Variants in BMP8B observed in about 807,000 individuals in gnomAD.
BMP8B encodes the protein bone morphogenetic protein 8b.
In BMP8B, 17 loss-of-function variants were observed where a neutral mutation model predicts 30.3. The ratio of observed to expected loss-of-function variants is 0.56; its 90% confidence interval spans 0.38 to 0.84. BMP8B has a LOEUF of 0.84. BMP8B is among the 40% of genes least tolerant of loss of function. The pLI is 0.00. For missense variants in BMP8B, 253 were observed against 494.6 expected (o/e 0.51, Z 4.63); for synonymous variants, 131 against 214.7 (o/e 0.61, Z 3.41).
intron 1 of BMP8B, among the ~76,000 whole-genome samples, chr1:39,787,867 G>T (rs1267448346): frequency 6.6e-6 from 1 of 152,186 alleles, no homozygotes; most frequent in Admixed American, 6.5e-5. Flanking sequence ...AGCCCAGGTG[G>T]GCAAAGACAT....
At chr1:39,776,377 A>G (rs1650233712) in intron 1 of BMP8B, among the ~76,000 whole-genome samples, 1 of 152,226 alleles carries the variant, frequency 6.6e-6, no homozygotes, top group Non-Finnish European at 1.5e-5. Context: ...GGAGCCGCCC[A>G]GTGCCTTCCC....
chr1:39,771,322 C>A (rs1649965867), intron 3 of BMP8B: 2 of 1,366,482 alleles, frequency 1.5e-6, no homozygotes, highest in Non-Finnish European at 1.9e-6. Context: ...CCGCGCGTCA[C>A]AGAGCAGGGC....
Position 39,788,399 on chromosome 1 carries a change from G to C in BMP8B, c.87C>G (p.Pro29=). The change falls in exon 1 of 7, where the codon CCC becomes CCG. Residue 29 remains proline, a synonymous_variant. Coordinates refer to ENST00000372827, the MANE Select transcript of BMP8B (RefSeq NM_001720.5). The surrounding 1 kb of genome is among the most constrained non-coding windows in gnomAD (Gnocchi z 5.8). ...CGCCCAGACGTCGCTGGGGACAGCC[G>C]GGCGGGGGTCGCAGGCCGGGGCCGC... ...GGGGPGLRPP[P]GCPQRRLGAR... is the part of the protein sequence containing the mutation. 9.2e-7 allele frequency: 1 copy of C among 1,084,174 alleles called. No individual in the cohort carries two copies. Among genetic ancestry groups the C allele is most frequent in the Non-Finnish European group, 1.1e-6 (1 of 895,372 alleles). 67.2% of individuals were successfully genotyped at this position (1,084,174 alleles called of 1,614,324 possible). A position where few individuals can be genotyped will look rare whatever the true frequency, so the allele number is the denominator to read the frequency against.
Position 39,768,739 on chromosome 1 carries a change from T to A in BMP8B, c.674-3922A>T. Among the ~76,000 whole-genome samples the A allele has an allele frequency of 1.3e-5, 2 of 149,656 alleles. 1 individual carries two copies. Among genetic ancestry groups the A allele is most frequent in the African/African-American group, 4.9e-5 (2 of 40,452 alleles). On this transcript the variant is annotated intron_variant, in intron 3 of 6. Transcript: ENST00000372827. ...AGCTAGGCATGGTGGCACATGCCTG[T>A]AATCCCAGCTACTTGAGAGGCTGAG... is the stretch of plus-strand genomic sequence containing the variant.
Position 39,764,827 on chromosome 1 carries a change from A to T in BMP8B, c.674-10T>A, listed in dbSNP as rs367838934. ...GGATCCACGCTGTGCCCTGAGACAG[A>T]AAGGAGAGAGGGGTCACTCACGGGC... On this transcript the variant is annotated splice_polypyrimidine_tract_variant and intron_variant, in intron 3 of 6. Coordinates refer to ENST00000372827, the MANE Select transcript of BMP8B (RefSeq NM_001720.5). 7 of 1,608,964 alleles carry T rather than the reference A, an allele frequency of 4.4e-6. 1 individual carries two copies. In the African/African-American group the frequency reaches 8.2e-5, roughly 19 times the overall value.
chr1:39,764,450 G>T (rs1451836959), intron 4 of BMP8B, among the ~76,000 whole-genome samples, 173 bp downstream of exon 4: 2 of 151,712 alleles, frequency 1.3e-5, no homozygotes, highest in East Asian at 3.8e-4. Context: ...CCTCCGGAGT[G>T]CCGGTCACCA....
At chr1:39,770,224 G>A in intron 3 of BMP8B, 1 of 1,476,172 alleles carries the variant, frequency 6.8e-7, no homozygotes, top group Admixed American at 1.9e-5. Context: ...CCAGGCCCAG[G>A]ATCCCGTTCT....
At chr1:39,769,320 C>T (rs2124452025) in intron 3 of BMP8B, among the ~76,000 whole-genome samples, 2 of 150,520 alleles carry the variant, frequency 1.3e-5, no homozygotes, top group South Asian at 4.3e-4. Context: ...CAGGTGTACT[C>T]TGGGTTGAGT....
At chr1:39,762,546 C>T (rs748436713) in intron 6 of BMP8B, 15 of 1,550,182 alleles carry the variant, frequency 9.7e-6, no homozygotes, top group African/African-American at 2.7e-5. Context: ...CATCAAAAGC[C>T]AGGGGATCCA....
At chr1:39,760,638 C>A (rs41267041) in intron 6 of BMP8B, 70 bp from the exon 7 acceptor site, 29 of 1,539,016 alleles carry the variant, frequency 1.9e-5, no homozygotes, top group Middle Eastern at 4.3e-4. Context: ...CCCAGCCCCA[C>A]CCCAGCTCCA....
At chr1:39,762,970 C>A in intron 6 of BMP8B, 122 bp downstream of exon 6, 1 of 1,251,326 alleles carries the variant, frequency 8.0e-7, no homozygotes, top group Non-Finnish European at 1.1e-6. Context: ...ACTGACTGTG[C>A]AGACAAAGCC....
chr1:39,779,224 G>C (rs1650447564), intron 1 of BMP8B, among the ~76,000 whole-genome samples: 1 of 152,212 alleles, frequency 6.6e-6, no homozygotes, highest in South Asian at 2.1e-4. Context: ...GGGGTTCCAG[G>C]GGAGGGCCCA....
intron 1 of BMP8B, among the ~76,000 whole-genome samples, chr1:39,777,901 C>A (rs564948228): frequency 1.3e-5 from 2 of 152,166 alleles, no homozygotes; most frequent in Non-Finnish European, 2.9e-5. Context: ...CCGGGTGGCC[C>A]CGTCCCTCTC....
intron 1 of BMP8B, among the ~76,000 whole-genome samples, chr1:39,785,776 T>A (rs1435346027): frequency 1.3e-5 from 2 of 152,162 alleles, no homozygotes; most frequent in Non-Finnish European, 2.9e-5. Flanking sequence ...CCTCCAAACA[T>A]GGAGAGCATC....
At chr1:39,769,852 G>C in intron 3 of BMP8B, 1 of 1,612,150 alleles carries the variant, frequency 6.2e-7, no homozygotes, top group South Asian at 1.1e-5. Context: ...CGGCCTTCTC[G>C]GTGATGATGC....
chr1:39,759,668 C>A lies in BMP8B; in HGVS notation c.*751G>T, dbSNP rs548634195. On this transcript the variant is annotated 3_prime_UTR_variant, in exon 7 of 7. Coordinates refer to ENST00000372827, the MANE Select transcript of BMP8B (RefSeq NM_001720.5). ...AGCTCCTGGTGGGGCAACATGGTGG[C>A]AGATAGATGGGTCAATTGGAAGCCC... 1 of 152,384 alleles carries A rather than the reference C, an allele frequency of 6.6e-6. No individual in the cohort carries two copies. Among genetic ancestry groups the A allele is most frequent in the East Asian group, 1.9e-4 (1 of 5,190 alleles). 9.4% of individuals were successfully genotyped at this position (152,384 alleles called of 1,614,324 possible).
At chr1:39,776,100 C>T (rs1388146080) in intron 1 of BMP8B, among the ~76,000 whole-genome samples, 9 of 152,354 alleles carry the variant, frequency 5.9e-5, no homozygotes, top group East Asian at 5.8e-4. Flanking sequence ...GCACAGGGGA[C>T]GGGGGCAGCA....
chr1:39,762,956 C>A lies in BMP8B; in HGVS notation c.1059+136G>T, dbSNP rs189761749. On this transcript the variant is annotated intron_variant, in intron 6 of 6. Coordinates refer to ENST00000372827, the MANE Select transcript of BMP8B (RefSeq NM_001720.5). ...CTGCAGAGCTGTGGGAAGTTAGCGA[C>A]GTTACTGACTGTGCAGACAAAGCCC... is the stretch of plus-strand genomic sequence containing the variant. 2.1e-5 allele frequency: 23 copies of A among 1,121,678 alleles called. No homozygotes were observed. In the African/African-American group the frequency reaches 2.6e-4, roughly 13 times the overall value. The allele number at this position is 1,121,678 out of a possible 1,614,324, so 69.5% of individuals were successfully genotyped here.
At chr1:39,766,776 T>G in intron 3 of BMP8B, among the ~76,000 whole-genome samples, 1 of 145,196 alleles carries the variant, frequency 6.9e-6, no homozygotes, top group African/African-American at 2.7e-5. Context: ...GAGTCAAGGT[T>G]ATGGGGAAGC....
Sources: gnomAD v4.1 joint callset for allele counts (sites outside exome capture counted in the v4.1 genomes callset) on GRCh38, gnomAD v4.1.1 for gene constraint, Gnocchi (gnomAD v3.1) non-coding constraint, MANE v1.5 for transcripts, NCBI Gene and HGNC (gene_info 2026-07-23, HGNC 2026-07-21) for gene names.